The following AMMECR1 variants were observed in gnomAD, a reference collection of about 807,000 sequenced individuals.
AMMECR1 encodes the protein AMMECR nuclear protein 1.
In AMMECR1, 3 loss-of-function variants were observed where a neutral mutation model predicts 22.5. The ratio of observed to expected loss-of-function variants is 0.13; its 90% CI spans 0.06 to 0.35. AMMECR1 has a LOEUF of 0.35. Ranked by LOEUF, AMMECR1 falls within the 10% of genes least tolerant of loss-of-function variation. The probability of loss-of-function intolerance (pLI) is 1.00; values close to 1 mark genes in which losing one functional copy is unlikely to be tolerated. For missense variants in AMMECR1, 235 were observed against 278.7 expected (o/e 0.84, Z 1.12); for synonymous variants, 130 against 116.7 (o/e 1.11, Z -0.74).
intron 1 of AMMECR1, among the ~76,000 whole-genome samples, chrX:110,277,460 C>G (rs951683978): frequency 9.1e-6 from 1 of 110,282 alleles, no homozygotes; most frequent in Non-Finnish European, 1.9e-5. Flanking sequence ...GGAGATATAC[C>G]TAATGTAAAT....
chrX:110,389,084 G>A (rs2068477254), intron 2 of AMMECR1, among the ~76,000 whole-genome samples: 2 of 112,484 alleles, frequency 1.8e-5, no homozygotes, highest in South Asian at 7.4e-4. Context: ...AGATTAAAAA[G>A]GATCCATAGA....
At chrX:110,420,842 G>A (rs780516499) in intron 2 of AMMECR1, among the ~76,000 whole-genome samples, 1 of 111,231 alleles carries the variant, frequency 9.0e-6, no homozygotes, top group East Asian at 2.8e-4. Flanking sequence ...AGGAGTTTTG[G>A]CTCGGGAGGC....
chrX:110,401,737 A>G lies in AMMECR1; in HGVS notation c.-148+24921T>C, dbSNP rs944367151. On this transcript the variant is annotated intron_variant, in intron 2 of 7. Transcript: ENST00000372057. ...CTTGGCTCTGCCATTCACTGATTGCATGATTTCCCACAGTTAATCTCAGTG... is the reference window on the plus strand; with the variant it reads ...CTTGGCTCTGCCATTCACTGATTGCGTGATTTCCCACAGTTAATCTCAGTG... Among the ~76,000 whole-genome samples the G allele has an allele frequency of 5.4e-5, 6 of 111,993 alleles. No homozygotes were observed. The Admixed American group carries it at 5.7e-4, about 11-fold the overall frequency.
intron 2 of AMMECR1, among the ~76,000 whole-genome samples, chrX:110,232,889 CAAAAAA>C (rs775605567): frequency 8.4e-5 from 1 of 11,917 alleles, no homozygotes; most frequent in Non-Finnish European, 1.3e-4. Flanking sequence ...GACTCAGTCT[CAAAAAA>C]AAAAAAAAAA....
chrX:110,287,142 T>C (rs192046093), intron 1 of AMMECR1, among the ~76,000 whole-genome samples: 8 of 111,468 alleles, frequency 7.2e-5, no homozygotes, highest in Non-Finnish European at 1.3e-4. Context: ...AATTCAAGAG[T>C]AGGGTGTCAA....
At chrX:110,390,779 A>G (rs1473313256) in intron 2 of AMMECR1, among the ~76,000 whole-genome samples, 2 of 112,179 alleles carry the variant, frequency 1.8e-5, no homozygotes, top group Non-Finnish European at 3.8e-5. Flanking sequence ...TTGTTTTTTC[A>G]TCTAGAATTT....
At chrX:110,345,143 C>A (rs2148240489) in intron 2 of AMMECR1, among the ~76,000 whole-genome samples, 1 of 112,228 alleles carries the variant, frequency 8.9e-6, no homozygotes, top group South Asian at 3.7e-4. Flanking sequence ...GGCACATATA[C>A]ACCATGGAAT....
chrX:110,346,985 T>A (rs2068193073), intron 2 of AMMECR1: 4 of 494,390 alleles, frequency 8.1e-6, no homozygotes, highest in Admixed American at 2.9e-5. Flanking sequence ...CTAAATATCA[T>A]TTTTAAGATG....
At chrX:110,372,106 T>C (rs1042010769) in intron 2 of AMMECR1, among the ~76,000 whole-genome samples, 5 of 111,678 alleles carry the variant, frequency 4.5e-5, no homozygotes, top group Admixed American at 1.9e-4. Flanking sequence ...CCCACCTCTT[T>C]GAGAACATTT....
rs1388053025 is a variant in AMMECR1 at position 110,377,958 on chromosome X, G to A, written c.-148+48700C>T. 8.4e-5 allele frequency among the ~76,000 whole-genome samples: 8 copies of A among 94,675 alleles called. No homozygotes were observed. In the South Asian group the frequency reaches 2.6e-3, roughly 31 times the overall value. 82.2% of individuals were successfully genotyped at this position (94,675 alleles called of 115,157 possible). On this transcript the variant is annotated intron_variant, in intron 2 of 7. Coordinates refer to the AMMECR1 transcript ENST00000372057. ...CGGGAGGCGGAGCTTGCAGTGAGCC[G>A]AGATCGCGCCACTGCACTCCAGCCT...
At chrX:110,401,109 G>T (rs1344997420) in intron 2 of AMMECR1, among the ~76,000 whole-genome samples, 1 of 112,325 alleles carries the variant, frequency 8.9e-6, no homozygotes, top group Non-Finnish European at 1.9e-5. Flanking sequence ...GGAAAATTCA[G>T]ACCAGTGACT....
chrX:110,285,610 A>T (rs1364082624), intron 1 of AMMECR1, among the ~76,000 whole-genome samples: 1 of 111,807 alleles, frequency 8.9e-6, no homozygotes, highest in Admixed American at 9.5e-5. Context: ...AAACTCTCTA[A>T]GTATATTTCC....
intron 2 of AMMECR1, among the ~76,000 whole-genome samples, chrX:110,402,413 CT>C (rs1213335090): frequency 8.9e-6 from 1 of 112,935 alleles, no homozygotes; most frequent in Non-Finnish European, 1.9e-5. Flanking sequence ...GTGCAAATTC[CT>C]TGATCAGAGC....
chrX:110,382,627 G>A (rs1205553479), intron 2 of AMMECR1, among the ~76,000 whole-genome samples: 1 of 111,788 alleles, frequency 8.9e-6, no homozygotes, highest in East Asian at 2.8e-4. Context: ...TTGTAAACAA[G>A]CCTCCCACTG....
intron 2 of AMMECR1, among the ~76,000 whole-genome samples, chrX:110,420,907 A>G (rs1356980591): frequency 9.0e-6 from 1 of 111,676 alleles, no homozygotes; most frequent in African/African-American, 3.3e-5. Context: ...CGTCCATCAC[A>G]CACAGCGCCC....
chrX:110,241,318 A>C (rs1039785759), intron 2 of AMMECR1, among the ~76,000 whole-genome samples: 1 of 111,954 alleles, frequency 8.9e-6, no homozygotes, highest in Admixed American at 9.5e-5. Flanking sequence ...AAAGATTAAC[A>C]AAGTAGATAG....
chrX:110,228,292 T>C (rs923612636), intron 2 of AMMECR1, among the ~76,000 whole-genome samples: 1 of 111,246 alleles, frequency 9.0e-6, no homozygotes, highest in Non-Finnish European at 1.9e-5. Context: ...ATATTAGAAA[T>C]CATAATAGGT....
At chrX:110,408,415 G>A (rs1476806949) in intron 2 of AMMECR1, among the ~76,000 whole-genome samples, 1 of 112,491 alleles carries the variant, frequency 8.9e-6, no homozygotes, top group African/African-American at 3.2e-5. Flanking sequence ...CAACGCCCAC[G>A]ACAGACTTGC....
Position 110,360,095 on chromosome X carries a change from G to A in AMMECR1, c.-147-42246C>T, listed in dbSNP as rs1196286348. ...GCATTCTAGGAGTTTCAACAGCACT[G>A]TCTCTGGGCTCAGTTGAGGACAGAG... On this transcript the variant is annotated intron_variant, in intron 2 of 7. Transcript: ENST00000372057. Among the ~76,000 whole-genome samples the A allele has an allele frequency of 3.6e-5, 4 of 111,600 alleles. No homozygotes were observed. The Admixed American group carries it at 3.8e-4, about 11-fold the overall frequency.
Sources: gnomAD v4.1 joint callset for allele counts (sites outside exome capture counted in the v4.1 genomes callset) on GRCh38, gnomAD v4.1.1 for gene constraint, MANE v1.5 for transcripts, NCBI Gene and HGNC (gene_info 2026-07-23, HGNC 2026-07-21) for gene names.